Variants in CEACAM8 observed in about 807,000 individuals in gnomAD.
The protein encoded by CEACAM8 is CEA cell adhesion molecule 8.
A neutral mutation model predicts 33.4 loss-of-function variants in CEACAM8; 31 were observed. The ratio of observed to expected loss-of-function variants is 0.93; its 90% CI spans 0.70 to 1.25. The LOEUF is 1.25. Among genes scored for constraint, CEACAM8 ranks in the 50% most tolerant of loss-of-function variants. The probability of loss-of-function intolerance (pLI) is 0.00; values close to 1 mark genes in which losing one functional copy is unlikely to be tolerated. For synonymous variants in CEACAM8, 138 were observed against 164.5 expected (o/e 0.84, Z 1.23); for missense variants, 388 against 434.6 (o/e 0.89, Z 0.95).
intron 3 of CEACAM8, 133 bp downstream of exon 3, chr19:42,589,324 C>G: frequency 7.1e-7 from 1 of 1,406,078 alleles, no homozygotes; most frequent in Non-Finnish European, 9.8e-7. Flanking sequence ...GGCAGAAAGT[C>G]ATGACGAGCT....
intron 4 of CEACAM8, among the ~76,000 whole-genome samples, chr19:42,585,615 T>G (rs1300304611): frequency 1.3e-5 from 2 of 152,206 alleles, no homozygotes. Flanking sequence ...AAAGGCAGTA[T>G]GTGAAAAGCC....
chr19:42,591,075 C>A (rs564235837), intron 2 of CEACAM8, among the ~76,000 whole-genome samples: 1 of 152,126 alleles, frequency 6.6e-6, no homozygotes, highest in Non-Finnish European at 1.5e-5. Context: ...TGGAGCATTT[C>A]AGATTTGGGA....
At chr19:42,584,691 A>G (rs2042306097) in intron 4 of CEACAM8, among the ~76,000 whole-genome samples, 1 of 152,270 alleles carries the variant, frequency 6.6e-6, no homozygotes, top group African/African-American at 2.4e-5. Flanking sequence ...AGAGGCTCAG[A>G]GAAGTTAAGA....
Position 42,593,876 on chromosome 19 carries a change from G to A in CEACAM8, c.89C>T (p.Pro30Leu), listed in dbSNP as rs994537637. 21 of 1,595,358 alleles carry A rather than the reference G, an allele frequency of 1.3e-5. No homozygotes were observed. Among genetic ancestry groups the A allele is most frequent in the East Asian group, 2.2e-5 (1 of 44,546 alleles). ...LTASLFTFWN[P>L]PTTAQLTIEA... ...AATAGTGAGCTGAGCAGTGGTGGGC[G>A]GGTTCCAGAAGGTGAAAAGTGAGGC... The change falls in exon 2 of 6, where the codon CCG becomes CTG. Residue 30 changes from proline to leucine, a missense_variant. By Grantham distance (98) the Pro-to-Leu change is moderately conservative. Transcript: ENST00000244336.
At chr19:42,593,403 G>A in intron 2 of CEACAM8, 138 bp downstream of exon 2, 2 of 1,081,518 alleles carry the variant, frequency 1.8e-6, no homozygotes, top group Non-Finnish European at 2.6e-6. Context: ...TCCCCTGAGT[G>A]TGTCCTGCAC....
At chr19:42,587,432 A>T (rs1390182641) in intron 4 of CEACAM8, among the ~76,000 whole-genome samples, 1 of 152,256 alleles carries the variant, frequency 6.6e-6, no homozygotes, top group Non-Finnish European at 1.5e-5. Context: ...GAAAATTCTG[A>T]TACATGGTGC....
intron 4 of CEACAM8, among the ~76,000 whole-genome samples, chr19:42,584,247 T>G (rs2042299483): frequency 6.6e-6 from 1 of 152,126 alleles, no homozygotes; most frequent in African/African-American, 2.4e-5. Context: ...CATCTGTTTC[T>G]TTATTTCTAT....
chr19:42,584,759 C>G (rs1381047240), intron 4 of CEACAM8, among the ~76,000 whole-genome samples: 1 of 152,126 alleles, frequency 6.6e-6, no homozygotes, highest in Non-Finnish European at 1.5e-5. Context: ...AGAAACATCT[C>G]AAATCAACAA....
In CEACAM8 at chr19:42,594,841, CTGCG is replaced by C; in HGVS notation, c.-17_-14del. 1 of 1,607,280 alleles carries C rather than the reference CTGCG, an allele frequency of 6.2e-7. No individual in the cohort carries two copies. Among genetic ancestry groups the C allele is most frequent in the Admixed American group, 1.7e-5 (1 of 59,582 alleles). ...AGATGGGCCCCATGGTCTCTGCTGC[CTGCG>C]TGTTCTCCTCTGTGGAGATGAGCCT... On this transcript the variant is annotated 5_prime_UTR_variant, in exon 1 of 6. Transcript: ENST00000244336.
intron 1 of CEACAM8, among the ~76,000 whole-genome samples, chr19:42,594,325 G>T (rs539093894): frequency 1.6e-4 from 25 of 152,102 alleles, no homozygotes; most frequent in African/African-American, 5.5e-4. Context: ...GCAGGGACTT[G>T]TGTGGTGTTG....
intron 2 of CEACAM8, among the ~76,000 whole-genome samples, chr19:42,591,487 G>A (rs937397077): frequency 6.6e-6 from 1 of 152,220 alleles, no homozygotes; most frequent in East Asian, 1.9e-4. Flanking sequence ...TGTTATGTTA[G>A]TAAATTTAGA....
intron 2 of CEACAM8, among the ~76,000 whole-genome samples, chr19:42,591,038 C>T (rs375882250): frequency 2.6e-5 from 4 of 152,150 alleles, no homozygotes; most frequent in South Asian, 2.1e-4. Context: ...TTGAGAATCA[C>T]GTTAGTGGCC....
At position 42,593,847 on chromosome 19, in the gene CEACAM8, C is replaced by G. The variant is rs559061389; in HGVS notation, c.118G>C (p.Ala40Pro). Residue 40 changes from alanine (A) to proline (P), a missense_variant, in exon 2 of 6, where the codon GCT becomes CCT. Transcript: ENST00000244336. Reference sequence around the variant, plus strand: ...CCCTCTGCAGCATTGGATGGCACAGCTTCAATAGTGAGCTGAGCAGTGGTG... The same window carrying G: ...CCCTCTGCAGCATTGGATGGCACAGGTTCAATAGTGAGCTGAGCAGTGGTG... Reference protein sequence around the residue: ...PPTTAQLTIEAVPSNAAEGKE... With the variant: ...PPTTAQLTIEPVPSNAAEGKE... 1 of 1,613,114 alleles carries G rather than the reference C, an allele frequency of 6.2e-7. No individual in the cohort carries two copies. The highest frequency in any genetic ancestry group is 1.7e-5 in the Admixed American group (1 of 59,968).
intron 5 of CEACAM8, 50 bp downstream of exon 5, chr19:42,583,156 C>T: frequency 1.2e-6 from 1 of 803,268 alleles, no homozygotes; most frequent in Non-Finnish European, 2.1e-6. Context: ...CTCTCCCAAG[C>T]ATGGCGGTCA....
In CEACAM8 at chr19:42,593,824, C is replaced by T. The variant is rs750784816; in HGVS notation, c.141G>A (p.Glu47=). 6.2e-7 allele frequency: 1 copy of T among 1,613,986 alleles called. No homozygotes were observed. The highest frequency in any genetic ancestry group is 8.5e-7 in the Non-Finnish European group (1 of 1,179,932). ...TIEAVPSNAA[E]GKEVLLLVHN... ...GGACAAGTAGAAGAACCTCCTTCCCCTCTGCAGCATTGGATGGCACAGCTT... is the reference window on the plus strand; with the variant it reads ...GGACAAGTAGAAGAACCTCCTTCCCTTCTGCAGCATTGGATGGCACAGCTT... The change falls in exon 2 of 6, where the codon GAG becomes GAA. Residue 47 remains glutamate (E), a synonymous_variant. Coordinates refer to ENST00000244336, the MANE Select transcript of CEACAM8 (RefSeq NM_001816.4).
chr19:42,593,335 C>T (rs573722493), intron 2 of CEACAM8, among the ~76,000 whole-genome samples: 9 of 152,298 alleles, frequency 5.9e-5, no homozygotes, highest in South Asian at 2.1e-4. Context: ...ATTCCTCTGC[C>T]GTGAGTGTCT....
At chr19:42,581,946 T>TATAA (rs765190705) in intron 5 of CEACAM8, among the ~76,000 whole-genome samples, 1,966 of 83,640 alleles carry the variant, frequency 0.024, 36 homozygotes, top group South Asian at 0.044. Flanking sequence ...TATATATATA[T>TATAA]AAAATAAGGT....
intron 2 of CEACAM8, 39 bp from the exon 3 acceptor site, chr19:42,589,774 C>G (rs1343349619): frequency 3.1e-6 from 5 of 1,613,070 alleles, no homozygotes; most frequent in Non-Finnish European, 3.4e-6. Flanking sequence ...CTGTGTGGCA[C>G]CTTTGATTCC....
In CEACAM8 at chr19:42,593,588, T is replaced by C; in HGVS notation, c.377A>G (p.Lys126Arg). 6.2e-7 allele frequency: 1 copy of C among 1,600,670 alleles called. No homozygotes were observed. Among genetic ancestry groups the C allele is most frequent in the Non-Finnish European group, 8.5e-7 (1 of 1,172,700 alleles). ...TACTTCTTCACTCATAAGATTTAGCTTTATGACTTGTAGGGTGTAGGATCC... is the reference window on the plus strand; with the variant it reads ...TACTTCTTCACTCATAAGATTTAGCCTTATGACTTGTAGGGTGTAGGATCC... ...DTGSYTLQVI[K>R]LNLMSEEVTG... The change falls in exon 2 of 6, where the codon AAG becomes AGG. Residue 126 changes from lysine (K) to arginine (R), a missense_variant. By Grantham distance (26) the Lys-to-Arg change is conservative. Transcript: ENST00000244336.
Sources: allele counts gnomAD v4.1 joint callset (sites outside exome capture counted in the v4.1 genomes callset), GRCh38; gene constraint gnomAD v4.1.1; transcripts MANE v1.5; gene names NCBI Gene and HGNC (gene_info 2026-07-23, HGNC 2026-07-21).